Variants in DLGAP1 observed in about 807,000 individuals in gnomAD.
DLGAP1 encodes the protein disks large-associated protein 1.
Under a neutral mutation model 90.8 loss-of-function variants are expected in DLGAP1, and 11 were observed. The ratio of observed to expected loss-of-function variants is 0.12; its 90% CI spans 0.08 to 0.20. The LOEUF is 0.20. Among genes scored for constraint, DLGAP1 ranks in the 10% least tolerant of loss-of-function variants. DLGAP1 has a pLI of 1.00. For synonymous variants in DLGAP1, 558 were observed against 540.7 expected (o/e 1.03, Z -0.44); for missense variants, 1,050 against 1,333.8 (o/e 0.79, Z 3.31).
At chr18:3,636,917 G>A (rs528316522) in intron 7 of DLGAP1, among the ~76,000 whole-genome samples, 4 of 147,262 alleles carry the variant, frequency 2.7e-5, no homozygotes, top group Admixed American at 6.9e-5. Context: ...TAGAGACGGA[G>A]TTTCACCATG....
chr18:4,269,989 T>C (rs1004906320), intron 1 of DLGAP1, among the ~76,000 whole-genome samples: 6 of 152,234 alleles, frequency 3.9e-5, no homozygotes, highest in Non-Finnish European at 7.3e-5. Flanking sequence ...ATGATTGAAA[T>C]AGAAATTTAT....
At chr18:3,897,778 A>ATTTTTTT (rs869170460) in intron 3 of DLGAP1, among the ~76,000 whole-genome samples, 1 of 94,502 alleles carries the variant, frequency 1.1e-5, no homozygotes, top group Non-Finnish European at 2.0e-5. Flanking sequence ...CGAATTTCTG[A>ATTTTTTT]TTTTTTTTTT....
intron 1 of DLGAP1, among the ~76,000 whole-genome samples, chr18:4,452,649 C>G (rs7244874): frequency 0.23 from 34,426 of 151,988 alleles, 4,472 homozygotes; most frequent in African/African-American, 0.36. Flanking sequence ...TCTCTATATG[C>G]GCTACATAAT....
chr18:3,754,320 C>T (rs1395387127), intron 5 of DLGAP1, among the ~76,000 whole-genome samples: 1 of 152,110 alleles, frequency 6.6e-6, no homozygotes, highest in East Asian at 1.9e-4. Context: ...CAAATAATCT[C>T]TAGATTACTT....
At chr18:3,738,645 A>C (rs2147600507) in intron 6 of DLGAP1, among the ~76,000 whole-genome samples, 1 of 152,078 alleles carries the variant, frequency 6.6e-6, no homozygotes, top group East Asian at 1.9e-4. Flanking sequence ...TAAAGACTTA[A>C]ACGTTAGACC....
intron 2 of DLGAP1, among the ~76,000 whole-genome samples, chr18:4,023,086 C>A (rs1396189703): frequency 1.3e-5 from 2 of 152,054 alleles, no homozygotes; most frequent in South Asian, 4.1e-4. Context: ...TGATGTTATG[C>A]AACTTTTTAG....
At chr18:4,428,290 T>C (rs2083201404) in intron 1 of DLGAP1, among the ~76,000 whole-genome samples, 1 of 152,118 alleles carries the variant, frequency 6.6e-6, no homozygotes, top group African/African-American at 2.4e-5. Flanking sequence ...TTTAAAAGTG[T>C]GTAGCTGGGG....
chr18:3,871,574 G>C (rs906769189), intron 4 of DLGAP1, among the ~76,000 whole-genome samples: 1 of 152,114 alleles, frequency 6.6e-6, no homozygotes, highest in African/African-American at 2.4e-5. Context: ...TTATTAAGGG[G>C]ACTAAAACCT....
intron 1 of DLGAP1, among the ~76,000 whole-genome samples, chr18:4,257,117 T>C (rs1024827952): frequency 6.6e-6 from 1 of 152,250 alleles, no homozygotes; most frequent in African/African-American, 2.4e-5. Flanking sequence ...TGGTTAGTTA[T>C]GTTTACACTG....
chr18:3,846,287 T>C (rs1169539566), intron 4 of DLGAP1, among the ~76,000 whole-genome samples: 1 of 152,172 alleles, frequency 6.6e-6, no homozygotes, highest in East Asian at 1.9e-4. Flanking sequence ...CCTTTCTTCG[T>C]CACCATACAA....
At chr18:3,820,233 C>T (rs533435703) in intron 4 of DLGAP1, among the ~76,000 whole-genome samples, 90 of 152,256 alleles carry the variant, frequency 5.9e-4, no homozygotes, top group African/African-American at 2.1e-3. Flanking sequence ...AATGAAGACA[C>T]TTAGAAAGCC....
At chr18:4,424,462 C>A (rs1439626867) in intron 1 of DLGAP1, among the ~76,000 whole-genome samples, 16 of 152,124 alleles carry the variant, frequency 1.1e-4, no homozygotes, top group Admixed American at 1.0e-3. Flanking sequence ...TTAAGAAAAT[C>A]TTTTACTATA....
intron 4 of DLGAP1, among the ~76,000 whole-genome samples, chr18:3,876,550 T>G (rs189423879): frequency 6.6e-6 from 1 of 152,326 alleles, no homozygotes; most frequent in Non-Finnish European, 1.5e-5. Context: ...GTTTTCAACC[T>G]TTCAATAATT....
intron 5 of DLGAP1, among the ~76,000 whole-genome samples, chr18:3,755,679 C>T (rs1187682840): frequency 6.6e-6 from 1 of 152,140 alleles, no homozygotes; most frequent in Non-Finnish European, 1.5e-5. Flanking sequence ...GAAGCACAAA[C>T]TGACAGAATT....
At chr18:3,776,544 C>A (rs988228954) in intron 5 of DLGAP1, among the ~76,000 whole-genome samples, 26 of 152,262 alleles carry the variant, frequency 1.7e-4, no homozygotes, top group African/African-American at 5.8e-4. Flanking sequence ...GCTTAGGGAG[C>A]ATGACCACTC....
chr18:3,506,381 C>T (rs780706372), intron 11 of DLGAP1, among the ~76,000 whole-genome samples: 7 of 151,718 alleles, frequency 4.6e-5, no homozygotes, highest in South Asian at 2.1e-4. Flanking sequence ...GCTGTGGTGG[C>T]GCATGCCTGT....
intron 10 of DLGAP1, among the ~76,000 whole-genome samples, chr18:3,521,011 A>G (rs997218958): frequency 2.0e-5 from 3 of 151,926 alleles, no homozygotes; most frequent in Non-Finnish European, 2.9e-5. Context: ...CTCTCACTCC[A>G]CCTTGTAAAT....
At chr18:4,367,457 T>C (rs1359774981) in intron 1 of DLGAP1, among the ~76,000 whole-genome samples, 1 of 152,100 alleles carries the variant, frequency 6.6e-6, no homozygotes, top group African/African-American at 2.4e-5. Context: ...CCTAGCTGAA[T>C]TCAATGTATC....
intron 4 of DLGAP1, chr18:3,845,191 T>C (rs773397053): frequency 3.7e-6 from 6 of 1,606,112 alleles, no homozygotes; most frequent in African/African-American, 2.7e-5. Flanking sequence ...AAAGAAACGA[T>C]TTATTTTCCT....
Sources: allele counts gnomAD v4.1 joint callset (sites outside exome capture counted in the v4.1 genomes callset), GRCh38; gene constraint gnomAD v4.1.1; transcripts MANE v1.5; gene names NCBI Gene and HGNC (gene_info 2026-07-23, HGNC 2026-07-21).